Variants in CNNM4 observed in about 807,000 individuals in gnomAD.
CNNM4 encodes cyclin and CBS domain divalent metal cation transport mediator 4, also known as metal transporter CNNM4.
In CNNM4, 32 loss-of-function variants were observed where a neutral mutation model predicts 53.7. That is an observed-to-expected ratio of 0.60 (90% confidence interval 0.45 to 0.80). The LOEUF (loss-of-function observed/expected upper bound fraction) is 0.80, where lower values mean the gene tolerates loss of function less well. Among genes scored for constraint, CNNM4 ranks in the 30% least tolerant of loss-of-function variants. The probability of loss-of-function intolerance (pLI) is 0.00; values close to 1 mark genes in which losing one functional copy is unlikely to be tolerated. For missense variants in CNNM4, 784 were observed against 1,022.0 expected, an observed-to-expected ratio of 0.77 and a Z score of 3.17; for synonymous variants, 410 against 440.0, an observed-to-expected ratio of 0.93 and a Z score of 0.85.
Position 96,761,965 on chromosome 2 carries a change from G to T in CNNM4, c.966G>T (p.Lys322Asn). Residue 322 changes from lysine to asparagine, a missense_variant, in exon 1 of 7, where the codon AAG (lysine) becomes AAT (asparagine). Lys to Asn is a moderately conservative substitution (Grantham distance 94). Coordinates refer to ENST00000377075, the MANE Select transcript of CNNM4 (RefSeq NM_020184.4). This position sits in a 1 kb window ranked among gnomAD's most constrained non-coding sequence, Gnocchi z 6.0. ...LTFPLSFPIS[K>N]LLDFFLGQEI... is the part of the protein sequence containing the mutation. ...TCCCCCTCAGTTTTCCCATTAGCAA[G>T]CTCCTGGACTTTTTTCTGGGCCAGG... The T allele has an allele frequency of 1.2e-6, 2 of 1,614,196 alleles. No individual in the cohort carries two copies. Among genetic ancestry groups the T allele is most frequent in the Non-Finnish European group, 1.7e-6 (2 of 1,180,034 alleles).
intron 3 of CNNM4, chr2:96,798,362 C>T (rs958519799): frequency 7.3e-5 from 12 of 164,862 alleles, no homozygotes; most frequent in African/African-American, 1.2e-4. Context: ...CTGGACCCCT[C>T]GTGTGCTCAC....
chr2:96,769,206 G>A (rs188611247), intron 1 of CNNM4, among the ~76,000 whole-genome samples: 3 of 151,750 alleles, frequency 2.0e-5, no homozygotes, highest in African/African-American at 7.3e-5. Context: ...AGCCGAGATC[G>A]CGCCACTGCA....
chr2:96,779,233 C>T (rs1182850146), intron 1 of CNNM4, among the ~76,000 whole-genome samples: 1 of 152,200 alleles, frequency 6.6e-6, no homozygotes, highest in Non-Finnish European at 1.5e-5. Flanking sequence ...GCTGGGATTA[C>T]AGGCGTGAGC....
At chr2:96,796,879 G>C (rs2079108902) in intron 1 of CNNM4, 133 bp from the exon 2 acceptor site, 1 of 863,892 alleles carries the variant, frequency 1.2e-6, no homozygotes. Context: ...CGTCAGGAAA[G>C]ATGGAAAAGA....
chr2:96,792,956 T>C (rs1296916734), intron 1 of CNNM4, among the ~76,000 whole-genome samples: 2 of 152,108 alleles, frequency 1.3e-5, no homozygotes, highest in Non-Finnish European at 2.9e-5. Context: ...AGGCAGCACT[T>C]GGATAGAGGA....
rs533748053 is a variant in CNNM4 at position 96,797,713 on chromosome 2, C to T, written c.1681+66C>T. On this transcript the variant is annotated intron_variant, in intron 3 of 6. Transcript: ENST00000377075. The surrounding 1 kb of genome is among the most constrained non-coding windows in gnomAD (Gnocchi z 6.0). ...TCACGGGGGAGAAGTCCTGGGTTTC[C>T]GGCTGCTTTCCCCCCATAGGACGAG... is the stretch of plus-strand genomic sequence containing the variant. The T allele has an allele frequency of 2.8e-5, 44 of 1,598,592 alleles. No individual in the cohort carries two copies. Among genetic ancestry groups the T allele is most frequent in the Admixed American group, 2.7e-4 (16 of 59,020 alleles).
At chr2:96,802,562 C>T (rs936660487) in intron 5 of CNNM4, among the ~76,000 whole-genome samples, 34 of 152,274 alleles carry the variant, frequency 2.2e-4, no homozygotes, top group African/African-American at 7.0e-4. Flanking sequence ...TCCACAGTTG[C>T]TGGCTAAATG....
chr2:96,801,503 CAGAG>C lies in CNNM4; in HGVS notation c.1948+1861_1948+1864del, dbSNP rs745352105. 1.1e-4 allele frequency among the ~76,000 whole-genome samples: 16 copies of C among 151,050 alleles called. No homozygotes were observed. The highest frequency in any genetic ancestry group is 4.0e-4 in the Admixed American group (6 of 15,132). On this transcript the variant is annotated intron_variant, in intron 5 of 6. Coordinates refer to ENST00000377075, the MANE Select transcript of CNNM4 (RefSeq NM_020184.4). This position sits in a 1 kb window ranked among gnomAD's most constrained non-coding sequence, Gnocchi z 5.6. ...ACCACACACACACAGAGACCACACA[CAGAG>C]AGAGACCACACACAGAGATAGCACA...
In CNNM4 at chr2:96,760,991, C is replaced by A; in HGVS notation, c.-9C>A. 8.9e-7 allele frequency: 1 copy of A among 1,119,364 alleles called. No individual in the cohort carries two copies. Among genetic ancestry groups the A allele is most frequent in the Non-Finnish European group, 1.1e-6 (1 of 916,584 alleles). 69.3% of individuals were successfully genotyped at this position (1,119,364 alleles called of 1,614,324 possible). On this transcript the variant is annotated 5_prime_UTR_variant, in exon 1 of 7. Coordinates refer to ENST00000377075, the MANE Select transcript of CNNM4 (RefSeq NM_020184.4). The stretch of plus-strand genomic sequence containing the variant: ...CGGGGAGCGGCGGCGGCGGCAGAGC[C>A]AGAGCAACATGGCGCCGGTGGGCGG...
At chr2:96,796,158 T>C (rs1286404595) in intron 1 of CNNM4, among the ~76,000 whole-genome samples, 2 of 139,698 alleles carry the variant, frequency 1.4e-5, no homozygotes, top group East Asian at 4.2e-4. Flanking sequence ...TTTTTTTTTT[T>C]TTTTGAGACA....
rs1182217550 is a variant in CNNM4, at chr2:96,761,257, C to T, written c.258C>T (p.Ile86=). Residue 86 remains isoleucine, a synonymous_variant, in exon 1 of 7, where the codon ATC becomes ATT. Coordinates refer to ENST00000377075, the MANE Select transcript of CNNM4 (RefSeq NM_020184.4). The surrounding 1 kb of genome is among the most constrained non-coding windows in gnomAD (Gnocchi z 6.0). ...TGTACGGCTACAGCCTGGGCAACAT[C>T]TCCAGCAACCTGATCTCCTTCACCG... ...LRLYGYSLGN[I]SSNLISFTEV... 1.9e-6 allele frequency: 3 copies of T among 1,614,020 alleles called. No homozygotes were observed. Among genetic ancestry groups the T allele is most frequent in the Admixed American group, 1.7e-5 (1 of 60,008 alleles).
intron 5 of CNNM4, among the ~76,000 whole-genome samples, chr2:96,806,126 G>T (rs973811335): frequency 6.9e-6 from 1 of 144,660 alleles, no homozygotes; most frequent in Non-Finnish European, 1.5e-5. Context: ...GCCGGGCGGG[G>T]GGCTGACCCC....
chr2:96,806,171 C>T (rs1465988830), intron 5 of CNNM4, among the ~76,000 whole-genome samples: 2 of 151,436 alleles, frequency 1.3e-5, no homozygotes, highest in Admixed American at 6.6e-5. Flanking sequence ...GCTGGCCGGG[C>T]GGGGGGCTGA....
At chr2:96,781,839 CT>C (rs2078978374) in intron 1 of CNNM4, among the ~76,000 whole-genome samples, 1 of 152,162 alleles carries the variant, frequency 6.6e-6, no homozygotes, top group South Asian at 2.1e-4. Flanking sequence ...CCTGGGAAGG[CT>C]TTCAAAGTTG....
At chr2:96,791,636 C>G (rs1299582482) in intron 1 of CNNM4, among the ~76,000 whole-genome samples, 1 of 150,614 alleles carries the variant, frequency 6.6e-6, no homozygotes, top group Non-Finnish European at 1.5e-5. Flanking sequence ...AATACATCTA[C>G]AGCTAAAAAT....
chr2:96,777,651 C>T (rs2153346133), intron 1 of CNNM4, among the ~76,000 whole-genome samples: 1 of 152,264 alleles, frequency 6.6e-6, no homozygotes, highest in African/African-American at 2.4e-5. Flanking sequence ...CAAGCGTGTG[C>T]CACCACACCC....
chr2:96,781,169 CG>C (rs2078972636), intron 1 of CNNM4, among the ~76,000 whole-genome samples: 2 of 151,926 alleles, frequency 1.3e-5, no homozygotes, highest in African/African-American at 4.8e-5. Context: ...TTAGTAGAGA[CG>C]GGGTTTCACT....
rs1195042842 is a variant in CNNM4 at position 96,809,720 on chromosome 2, AG to A, written c.*210del. ...GAGGTGGCACTGTCCAGCCCTGGAT[AG>A]GGGGGGCAGTGGGCCAGCTACCGTA... On this transcript the variant is annotated 3_prime_UTR_variant, in exon 7 of 7. Transcript: ENST00000377075. 5.6e-5 allele frequency: 29 copies of A among 517,076 alleles called. No individual in the cohort carries two copies. The highest frequency in any genetic ancestry group is 8.2e-5 in the Non-Finnish European group (24 of 292,314). The allele number at this position is 517,076 out of a possible 1,614,324, so 32.0% of individuals were successfully genotyped here. A position where few individuals can be genotyped will look rare whatever the true frequency, so the allele number is the denominator to read the frequency against.
chr2:96,770,282 G>T (rs540292312), intron 1 of CNNM4, among the ~76,000 whole-genome samples: 1 of 152,350 alleles, frequency 6.6e-6, no homozygotes, highest in South Asian at 2.1e-4. Flanking sequence ...TCCCGCTCCA[G>T]TGTTTTTCTG....
Sources: allele counts gnomAD v4.1 joint callset (sites outside exome capture counted in the v4.1 genomes callset), GRCh38; gene constraint gnomAD v4.1.1; non-coding constraint Gnocchi (gnomAD v3.1); transcripts MANE v1.5; gene names NCBI Gene and HGNC (gene_info 2026-07-23, HGNC 2026-07-21).